LARGE1: variants seen among roughly 807,000 people sequenced by gnomAD.
The protein encoded by LARGE1 is xylosyl- and glucuronyltransferase LARGE1.
Under a neutral mutation model 87.6 loss-of-function variants are expected in LARGE1, and 43 were observed. The observed-to-expected ratio is 0.49, with a 90% CI of 0.38 to 0.63. The LOEUF (loss-of-function observed/expected upper bound fraction) is 0.63. Ranked by LOEUF, LARGE1 falls within the 30% of genes least tolerant of loss-of-function variation. The pLI is 0.00. For synonymous variants in LARGE1, 434 were observed against 394.6 expected, an observed-to-expected ratio of 1.10 and a Z score of -1.18; for missense variants, 802 against 1,000.2, an observed-to-expected ratio of 0.80 and a Z score of 2.67.
chr22:33,422,496 G>A (rs2066726874), intron 7 of LARGE1, among the ~76,000 whole-genome samples: 1 of 151,410 alleles, frequency 6.6e-6, no homozygotes, highest in Admixed American at 6.6e-5. Flanking sequence ...GAACGAGCTT[G>A]GAAGTGCTAC....
At chr22:33,313,159 C>T (rs1283431372) in intron 11 of LARGE1, among the ~76,000 whole-genome samples, 4 of 152,118 alleles carry the variant, frequency 2.6e-5, no homozygotes, top group Admixed American at 1.3e-4. Context: ...ACACCCTAAG[C>T]CCTAACCACA....
At chr22:33,481,514 A>C (rs968075815) in intron 6 of LARGE1, among the ~76,000 whole-genome samples, 1 of 152,182 alleles carries the variant, frequency 6.6e-6, no homozygotes, top group South Asian at 2.1e-4. Context: ...ACAAAAATTT[A>C]ATGGTGTTTT....
chr22:33,239,057 A>G (rs764606096), intron 11 of LARGE1, among the ~76,000 whole-genome samples: 1 of 152,010 alleles, frequency 6.6e-6, no homozygotes, highest in Admixed American at 6.6e-5. Flanking sequence ...AACTTTGGCA[A>G]GATTAATCGC....
chr22:33,430,959 C>G (rs532493479), intron 7 of LARGE1, among the ~76,000 whole-genome samples: 3 of 152,230 alleles, frequency 2.0e-5, no homozygotes, highest in Non-Finnish European at 2.9e-5. Context: ...TTAGGTGGTA[C>G]TGTCCCCAGA....
At chr22:33,537,850 C>A (rs5754600) in intron 6 of LARGE1, among the ~76,000 whole-genome samples, 1 of 152,068 alleles carries the variant, frequency 6.6e-6, no homozygotes, top group South Asian at 2.1e-4. Flanking sequence ...GGATTACGGG[C>A]GTGAGCCACC....
chr22:33,796,395 G>A (rs752078280), intron 1 of LARGE1, among the ~76,000 whole-genome samples: 4 of 152,160 alleles, frequency 2.6e-5, no homozygotes, highest in African/African-American at 9.7e-5. Flanking sequence ...ACTGACCAGC[G>A]TCGCCGACTT....
the LARGE1 span, among the ~76,000 whole-genome samples, chr22:33,075,000 G>A: frequency 6.6e-6 from 1 of 152,280 alleles, no homozygotes; most frequent in Non-Finnish European, 1.5e-5. Context: ...CAAGCTTAGC[G>A]AGCTTATGTA....
chr22:33,502,771 G>A (rs1264954637), intron 6 of LARGE1, among the ~76,000 whole-genome samples: 1 of 152,224 alleles, frequency 6.6e-6, no homozygotes, highest in Non-Finnish European at 1.5e-5. Context: ...GTTTCACCAC[G>A]TTGGCCAGGA....
chr22:33,566,383 G>C (rs1030535150), intron 5 of LARGE1, among the ~76,000 whole-genome samples: 12 of 152,192 alleles, frequency 7.9e-5, no homozygotes, highest in African/African-American at 7.2e-5. Flanking sequence ...ACAACTACGT[G>C]TAATCAAACC....
intron 1 of LARGE1, among the ~76,000 whole-genome samples, chr22:33,848,905 C>T (rs1027420675): frequency 7.9e-5 from 12 of 152,088 alleles, no homozygotes; most frequent in Admixed American, 3.3e-4. Flanking sequence ...ATCGAAAAGG[C>T]TAATTGCACA....
chr22:33,230,039 G>A (rs1009886614), intron 11 of LARGE1, among the ~76,000 whole-genome samples: 5 of 106,088 alleles, frequency 4.7e-5, no homozygotes, highest in Non-Finnish European at 9.1e-5. Flanking sequence ...TTGAGACAGA[G>A]TTTTGCTCGG....
intron 4 of LARGE1, among the ~76,000 whole-genome samples, chr22:33,616,551 G>A (rs575885431): frequency 1.1e-3 from 169 of 151,544 alleles, no homozygotes; most frequent in Non-Finnish European, 2.0e-3. Context: ...AAAAAAAGAA[G>A]TGGAAAAAAC....
At chr22:33,268,115 G>A (rs550020139), downstream of LARGE1, among the ~76,000 whole-genome samples, 2 of 151,382 alleles carry the variant, frequency 1.3e-5, no homozygotes, top group Non-Finnish European at 2.9e-5. Context: ...CACTGTGCCC[G>A]GCTATTTTTT....
chr22:33,381,708 AC>A (rs2065162188), intron 9 of LARGE1, among the ~76,000 whole-genome samples: 1 of 152,196 alleles, frequency 6.6e-6, no homozygotes, highest in Non-Finnish European at 1.5e-5. Context: ...GCTGGTTCTT[AC>A]GCCAGGAGGC....
Position 33,663,802 on chromosome 22 carries a change from A to T in LARGE1, c.107-13134T>A, listed in dbSNP as rs572548045. On this transcript the variant is annotated intron_variant, in intron 2 of 14. Coordinates refer to ENST00000397394, the MANE Select transcript of LARGE1 (RefSeq NM_133642.5). Reference sequence around the variant, plus strand: ...ACAAGGATTTCAGGAGCCCCTACATATACAAGCCCTGTGCCAAGTTCCTGA... The same window carrying T: ...ACAAGGATTTCAGGAGCCCCTACATTTACAAGCCCTGTGCCAAGTTCCTGA... Among the ~76,000 whole-genome samples the T allele has an allele frequency of 2.0e-5, 3 of 152,324 alleles. No homozygotes were observed. The East Asian group carries it at 5.8e-4, about 29-fold the overall frequency.
chr22:33,371,694 G>A (rs2064812814), intron 9 of LARGE1, among the ~76,000 whole-genome samples: 1 of 152,176 alleles, frequency 6.6e-6, no homozygotes, highest in Admixed American at 6.5e-5. Context: ...TGTAAATGGA[G>A]TAAATGTTTG....
intron 6 of LARGE1, among the ~76,000 whole-genome samples, chr22:33,464,683 C>T (rs546864892): frequency 4.7e-4 from 71 of 152,026 alleles, no homozygotes; most frequent in Non-Finnish European, 8.7e-4. Context: ...TGGAAAAGAT[C>T]GTAAAATGTG....
At chr22:33,566,644 G>T (rs1429453235) in intron 5 of LARGE1, among the ~76,000 whole-genome samples, 1 of 152,224 alleles carries the variant, frequency 6.6e-6, no homozygotes, top group South Asian at 2.1e-4. Flanking sequence ...AGCCGAGAGG[G>T]ATGCCGCTGC....
At chr22:33,549,947 G>A (rs922191543) in intron 6 of LARGE1, among the ~76,000 whole-genome samples, 1 of 152,130 alleles carries the variant, frequency 6.6e-6, no homozygotes, top group African/African-American at 2.4e-5. Context: ...GTTTACGGCT[G>A]CATAGTATTC....
Sources: gnomAD v4.1 joint callset for allele counts (sites outside exome capture counted in the v4.1 genomes callset) on GRCh38, gnomAD v4.1.1 for gene constraint, MANE v1.5 for transcripts, NCBI Gene and HGNC (gene_info 2026-07-23, HGNC 2026-07-21) for gene names.